The following GXYLT1 variants were observed in gnomAD, a reference collection of about 807,000 sequenced individuals.
The protein encoded by GXYLT1 is glucoside xylosyltransferase 1.
A neutral mutation model predicts 54.0 loss-of-function variants in GXYLT1; 29 were observed. The ratio of observed to expected loss-of-function variants is 0.54; its 90% CI spans 0.40 to 0.73. GXYLT1 has a LOEUF of 0.73. Ranked by LOEUF, GXYLT1 falls within the 30% of genes least tolerant of loss-of-function variation. The pLI, the probability that GXYLT1 is intolerant of heterozygous loss-of-function variation, is 0.00. For missense variants in GXYLT1, 490 were observed against 553.4 expected, an observed-to-expected ratio of 0.89 and a Z score of 1.15; for synonymous variants, 176 against 204.1, an observed-to-expected ratio of 0.86 and a Z score of 1.17.
At chr12:42,123,467 A>G (rs1265105349) in intron 2 of GXYLT1, among the ~76,000 whole-genome samples, 7 of 152,198 alleles carry the variant, frequency 4.6e-5, no homozygotes, top group Non-Finnish European at 8.8e-5. Context: ...TGCATATTTG[A>G]AATTTATCAA....
chr12:42,137,118 G>C (rs535316281), intron 1 of GXYLT1, among the ~76,000 whole-genome samples: 1 of 152,122 alleles, frequency 6.6e-6, no homozygotes, highest in Non-Finnish European at 1.5e-5. Flanking sequence ...AAATGTCCAA[G>C]ATAGGAGGCT....
intron 7 of GXYLT1, among the ~76,000 whole-genome samples, chr12:42,095,204 A>G (rs187688493): frequency 6.6e-6 from 1 of 152,326 alleles, no homozygotes; most frequent in Non-Finnish European, 1.5e-5. Context: ...TGGCAGGAAT[A>G]CAAACAATCC....
intron 2 of GXYLT1, among the ~76,000 whole-genome samples, chr12:42,123,274 G>A (rs2065542088): frequency 6.6e-6 from 1 of 152,104 alleles, no homozygotes; most frequent in African/African-American, 2.4e-5. Context: ...TGACAATTAT[G>A]GCTGTATTAA....
chr12:42,116,777 C>T (rs1018559892), intron 3 of GXYLT1, among the ~76,000 whole-genome samples: 3 of 152,034 alleles, frequency 2.0e-5, no homozygotes, highest in African/African-American at 4.8e-5. Flanking sequence ...CCCATTACTG[C>T]GTACATACCC....
rs1466120721 is a variant in GXYLT1 at position 42,081,854 on chromosome 12, AT to A, written c.*5931del. The A allele has an allele frequency of 6.6e-6, 1 of 152,238 alleles. No individual in the cohort carries two copies. The highest frequency in any genetic ancestry group is 1.5e-5 in the Non-Finnish European group (1 of 68,040). The allele number at this position is 152,238 out of a possible 1,614,324, so 9.4% of individuals were successfully genotyped here. On this transcript the variant is annotated 3_prime_UTR_variant, in exon 8 of 8. Transcript: ENST00000398675. ...TAATCCAGACATATAATTTGAGGAA[AT>A]AAAACGTTTATTGAGTAAATGTTTA...
Position 42,114,278 on chromosome 12 carries a change from T to A in GXYLT1, c.487-4587A>T, listed in dbSNP as rs147932927. 9.1e-3 allele frequency among the ~76,000 whole-genome samples: 1,378 copies of A among 151,698 alleles called. 21 individuals are homozygous for A. Among genetic ancestry groups the A allele is most frequent in the African/African-American group, 0.032 (1,324 of 41,328 alleles). ...AGCAGAAGGCAAGAAATAACAAAGA[T>A]CAGAACAGAACTGAAGGAAACAGAG... On this transcript the variant is annotated intron_variant, in intron 3 of 7. Transcript: ENST00000398675.
chr12:42,130,882 T>C (rs556859515), intron 1 of GXYLT1, among the ~76,000 whole-genome samples: 7 of 152,104 alleles, frequency 4.6e-5, no homozygotes, highest in Non-Finnish European at 1.0e-4. Context: ...AGGAGTTTGA[T>C]GTTGCAATAA....
chr12:42,109,510 T>C, intron 4 of GXYLT1, 56 bp downstream of exon 4: 1 of 1,226,132 alleles, frequency 8.2e-7, no homozygotes, highest in Non-Finnish European at 1.1e-6. Context: ...TGTGTAAAAG[T>C]AAGGTTCAAA....
At position 42,119,190 on chromosome 12, in the gene GXYLT1, A is replaced by C. The variant is rs1347629203; in HGVS notation, c.315-19T>G. 2 of 1,491,986 alleles carry C rather than the reference A, an allele frequency of 1.3e-6. No individual in the cohort carries two copies. The highest frequency in any genetic ancestry group is 4.8e-5 in the East Asian group (2 of 41,834). 92.4% of individuals were successfully genotyped at this position (1,491,986 alleles called of 1,614,324 possible). Reference sequence around the variant, plus strand: ...ACTGTACCTAATAGGAAAGAAAACCACATTTTTCAACAGTTTTAGTATATG... The same window carrying C: ...ACTGTACCTAATAGGAAAGAAAACCCCATTTTTCAACAGTTTTAGTATATG... On this transcript the variant is annotated intron_variant, in intron 2 of 7. Transcript: ENST00000398675.
chr12:42,118,385 A>G (rs1486509301), intron 3 of GXYLT1, among the ~76,000 whole-genome samples: 2 of 152,190 alleles, frequency 1.3e-5, no homozygotes, highest in Non-Finnish European at 2.9e-5. Flanking sequence ...CTGGAACTAG[A>G]GTCACTAAAA....
In GXYLT1 at chr12:42,144,752, C is replaced by CGCA. The variant is rs1302890537; in HGVS notation, c.-109_-107dup. ...CCGCGGGCGCAACAAGTTCCTCACC[C>CGCA]GCAGCCGCCGCCGCCGCCTTGCGCC... On this transcript the variant is annotated 5_prime_UTR_variant, in exon 1 of 8. Transcript: ENST00000398675. 3.8e-6 allele frequency: 3 copies of CGCA among 793,300 alleles called. No individual in the cohort carries two copies. Among genetic ancestry groups the CGCA allele is most frequent in the Admixed American group, 4.5e-5 (1 of 22,210 alleles). The allele number at this position is 793,300 out of a possible 1,614,324, so 49.1% of individuals were successfully genotyped here.
At chr12:42,094,786 T>C (rs1276154787) in intron 7 of GXYLT1, among the ~76,000 whole-genome samples, 1 of 152,124 alleles carries the variant, frequency 6.6e-6, no homozygotes. Context: ...AAAGTACTAA[T>C]ATTCCTAACA....
intron 7 of GXYLT1, among the ~76,000 whole-genome samples, chr12:42,096,173 C>T (rs940446822): frequency 1.3e-5 from 2 of 152,096 alleles, no homozygotes; most frequent in Non-Finnish European, 2.9e-5. Flanking sequence ...ATCATGTGTG[C>T]ACGCTTATAC....
chr12:42,144,267 G>A (rs1425974566), intron 1 of GXYLT1, among the ~76,000 whole-genome samples, 159 bp downstream of exon 1: 2 of 150,204 alleles, frequency 1.3e-5, no homozygotes, highest in Non-Finnish European at 3.0e-5. Context: ...CGCAGGTTTA[G>A]CCCCGGCCGG....
rs1064469 is a variant in GXYLT1, at chr12:42,082,811, A to C, written c.*4975T>G. 81,158 of 151,964 alleles carry C rather than the reference A, an allele frequency of 0.53. 21,898 individuals carry two copies. The highest frequency in any genetic ancestry group is 0.7 in the South Asian group (3,373 of 4,810). The allele number at this position is 151,964 out of a possible 1,614,324, so 9.4% of individuals were successfully genotyped here. A position where few individuals can be genotyped will look rare whatever the true frequency, so the allele number is the denominator to read the frequency against. ...CTTTTTAATAGAATATACACTGTTG[A>C]ATTCTATCTTCATGATTTTTTACAA... On this transcript the variant is annotated 3_prime_UTR_variant, in exon 8 of 8. Transcript: ENST00000398675.
chr12:42,108,600 T>C (rs1011939016), intron 4 of GXYLT1, among the ~76,000 whole-genome samples: 3 of 152,196 alleles, frequency 2.0e-5, no homozygotes, highest in Admixed American at 1.3e-4. Flanking sequence ...TTGTGTGCTT[T>C]TTACAATGGA....
intron 5 of GXYLT1, among the ~76,000 whole-genome samples, chr12:42,103,112 C>CTG (rs2065399569): frequency 6.6e-6 from 1 of 152,036 alleles, no homozygotes; most frequent in South Asian, 2.1e-4. Flanking sequence ...CATGCACCAC[C>CTG]ATGCACAGCT....
chr12:42,115,520 C>A (rs2065488685), intron 3 of GXYLT1, among the ~76,000 whole-genome samples: 2 of 152,284 alleles, frequency 1.3e-5, no homozygotes, highest in South Asian at 2.1e-4. Context: ...TGAGTGAACT[C>A]TCATTCACAA....
rs1364824750 is a variant in GXYLT1 at position 42,083,789 on chromosome 12, T to C, written c.*3997A>G. 3 of 152,232 alleles carry C rather than the reference T, an allele frequency of 2.0e-5. No homozygotes were observed. Among genetic ancestry groups the C allele is most frequent in the African/African-American group, 7.2e-5 (3 of 41,460 alleles). 9.4% of individuals were successfully genotyped at this position (152,232 alleles called of 1,614,324 possible). A position where few individuals can be genotyped will look rare whatever the true frequency, so the allele number is the denominator to read the frequency against. On this transcript the variant is annotated 3_prime_UTR_variant, in exon 8 of 8. Transcript: ENST00000398675. The stretch of plus-strand genomic sequence containing the variant: ...AACCTGGCCTCTCGTCAGTATCATC[T>C]GCGAAAACTGCTGCAACACATTCCT...
Sources: allele counts gnomAD v4.1 joint callset (sites outside exome capture counted in the v4.1 genomes callset), GRCh38; gene constraint gnomAD v4.1.1; transcripts MANE v1.5; gene names NCBI Gene and HGNC (gene_info 2026-07-23, HGNC 2026-07-21).